CHODL: variants seen among roughly 807,000 people sequenced by gnomAD.
The protein encoded by CHODL is transmembrane protein MT75.
In CHODL, 29 loss-of-function variants were observed where a neutral mutation model predicts 34.5. The ratio of observed to expected loss-of-function variants is 0.84; its 90% CI spans 0.63 to 1.15. The LOEUF is 1.15. CHODL is among the 50% of genes most tolerant of loss of function. The pLI is 0.00. For synonymous variants in CHODL, 125 were observed against 116.1 expected (o/e 1.08, Z -0.49); for missense variants, 332 against 332.5 (o/e 1.00, Z 0.01).
At chr21:18,200,124 A>ATT (rs571111051) in intron 2 of CHODL, among the ~76,000 whole-genome samples, 6 of 150,224 alleles carry the variant, frequency 4.0e-5, no homozygotes, top group Non-Finnish European at 7.4e-5. Context: ...TGATATTGTA[A>ATT]TTTTTTTTTT....
chr21:18,149,216 A>T (rs189414917), intron 2 of CHODL, among the ~76,000 whole-genome samples: 2 of 152,290 alleles, frequency 1.3e-5, no homozygotes, highest in Admixed American at 6.5e-5. Context: ...TTTTAATACT[A>T]TTCCATCTGA....
chr21:18,170,727 A>G (rs2073217394), intron 2 of CHODL, among the ~76,000 whole-genome samples: 1 of 152,190 alleles, frequency 6.6e-6, no homozygotes, highest in South Asian at 2.1e-4. Flanking sequence ...GTGAGACTTT[A>G]TACATTATAA....
chr21:18,218,483 A>AT (rs1184460782), intron 2 of CHODL, among the ~76,000 whole-genome samples: 2 of 152,032 alleles, frequency 1.3e-5, no homozygotes, highest in East Asian at 1.9e-4. Context: ...CCACAAAACC[A>AT]TTTTTTCATC....
At chr21:18,054,615 G>T (rs2064556652) in intron 2 of CHODL, among the ~76,000 whole-genome samples, 1 of 151,872 alleles carries the variant, frequency 6.6e-6, no homozygotes, top group Admixed American at 6.6e-5. Flanking sequence ...TGTAAGGATG[G>T]ATAAAAAGAT....
intron 2 of CHODL, among the ~76,000 whole-genome samples, chr21:18,191,216 T>C (rs9974741): frequency 0.11 from 16,192 of 152,214 alleles, 951 homozygotes; most frequent in East Asian, 0.15. Flanking sequence ...AAACCTGAAC[T>C]CAGAGCACAT....
At chr21:18,008,560 T>C (rs1318398616) in intron 1 of CHODL, among the ~76,000 whole-genome samples, 1 of 152,152 alleles carries the variant, frequency 6.6e-6, no homozygotes, top group Non-Finnish European at 1.5e-5. Context: ...TTCTATGAGT[T>C]TCACTGTTTT....
In CHODL at chr21:18,210,985, TG is replaced by T. The variant is rs1207916606; in HGVS notation, c.-44-45523del. 2.1e-4 allele frequency among the ~76,000 whole-genome samples: 32 copies of T among 152,308 alleles called. 1 individual carries two copies. The highest frequency in any genetic ancestry group is 5.8e-4 in the African/African-American group (24 of 41,588). ...CCTACTATCATCCCTGATTGAATTT[TG>T]TTCCAGCTACACATTACTTTTGACT... On this transcript the variant is annotated intron_variant, in intron 2 of 6. Coordinates refer to the CHODL transcript ENST00000400127.
intron 2 of CHODL, among the ~76,000 whole-genome samples, chr21:18,041,983 A>G (rs1438680702): frequency 6.6e-6 from 1 of 151,776 alleles, no homozygotes; most frequent in Non-Finnish European, 1.5e-5. Flanking sequence ...ATTTTTAGGT[A>G]GAATTTGGAG....
chr21:18,049,433 G>C (rs555413144), intron 2 of CHODL, among the ~76,000 whole-genome samples: 27 of 152,070 alleles, frequency 1.8e-4, no homozygotes, highest in African/African-American at 6.5e-4. Context: ...TGACTCAGAT[G>C]TATAACAATA....
intron 1 of CHODL, among the ~76,000 whole-genome samples, chr21:17,951,043 C>T (rs2146341588): frequency 6.6e-6 from 1 of 151,514 alleles, no homozygotes; most frequent in South Asian, 2.1e-4. Flanking sequence ...TAACTATATA[C>T]ATATACATTA....
chr21:17,917,786 A>G (rs13047363), intron 1 of CHODL, among the ~76,000 whole-genome samples: 64,658 of 151,772 alleles, frequency 0.43, 13,875 homozygotes, highest in South Asian at 0.55. Context: ...GATCTACAGG[A>G]GGTAAATGAA....
intron 2 of CHODL, among the ~76,000 whole-genome samples, chr21:18,148,721 TG>T (rs1455098518): frequency 6.6e-6 from 1 of 152,192 alleles, no homozygotes; most frequent in African/African-American, 2.4e-5. Flanking sequence ...CACATTTCAT[TG>T]TGTCTTGAAA....
chr21:18,103,493 A>G, intron 2 of CHODL, among the ~76,000 whole-genome samples: 1 of 152,178 alleles, frequency 6.6e-6, no homozygotes, highest in African/African-American at 2.4e-5. Context: ...TAAAACAACC[A>G]TGATTTCGTT....
At chr21:17,932,750 G>A (rs1426029284) in intron 1 of CHODL, among the ~76,000 whole-genome samples, 2 of 152,142 alleles carry the variant, frequency 1.3e-5, no homozygotes, top group Non-Finnish European at 2.9e-5. Context: ...CACACCTGTG[G>A]GTGTTTCTCA....
chr21:18,240,438 T>A (rs1039121703), upstream of CHODL, among the ~76,000 whole-genome samples: 10 of 152,094 alleles, frequency 6.6e-5, no homozygotes, highest in African/African-American at 2.4e-4. Context: ...CAAGATCAGA[T>A]TAATGAAAAA....
At chr21:18,001,132 T>C (rs745935918) in intron 1 of CHODL, among the ~76,000 whole-genome samples, 3 of 152,180 alleles carry the variant, frequency 2.0e-5, no homozygotes, top group Admixed American at 2.0e-4. Context: ...GGGATGTGGG[T>C]GTGGAACCAC....
intron 1 of CHODL, among the ~76,000 whole-genome samples, chr21:17,985,953 C>T (rs1265377516): frequency 6.6e-6 from 1 of 152,074 alleles, no homozygotes; most frequent in Non-Finnish European, 1.5e-5. Context: ...GCTGTGTTTT[C>T]ACATGACACA....
chr21:18,163,941 C>T (rs1297510141), intron 2 of CHODL, among the ~76,000 whole-genome samples: 2 of 152,104 alleles, frequency 1.3e-5, no homozygotes, highest in African/African-American at 4.8e-5. Flanking sequence ...ATTTAAATTC[C>T]CTTTGCAACT....
chr21:18,106,049 G>T (rs1444918135), intron 2 of CHODL, among the ~76,000 whole-genome samples: 1 of 152,148 alleles, frequency 6.6e-6, no homozygotes, highest in Non-Finnish European at 1.5e-5. Context: ...TAGTGTTCAG[G>T]GCTTACCTGA....
Sources: gnomAD v4.1 joint callset for allele counts (sites outside exome capture counted in the v4.1 genomes callset) on GRCh38, gnomAD v4.1.1 for gene constraint, MANE v1.5 for transcripts, NCBI Gene and HGNC (gene_info 2026-07-23, HGNC 2026-07-21) for gene names.